RSRC1: variants seen among roughly 807,000 people sequenced by gnomAD.
RSRC1 encodes arginine and serine rich coiled-coil 1.
In RSRC1, 39 loss-of-function variants were observed where a neutral mutation model predicts 49.1. The ratio of observed to expected loss-of-function variants is 0.79; its 90% confidence interval spans 0.61 to 1.04. The LOEUF (loss-of-function observed/expected upper bound fraction) is 1.04. Among genes scored for constraint, RSRC1 ranks in the 50% least tolerant of loss-of-function variants. The pLI is 0.00. For synonymous variants in RSRC1, 143 were observed against 130.8 expected, an observed-to-expected ratio of 1.09 and a Z score of -0.63; for missense variants, 388 against 402.4, an observed-to-expected ratio of 0.96 and a Z score of 0.31.
chr3:158,544,243 CAAGA>C lies in RSRC1; in HGVS notation c.978_981del (p.Glu326AspfsTer2). The C allele has an allele frequency of 1.2e-6, 2 of 1,612,150 alleles. No homozygotes were observed. The highest frequency in any genetic ancestry group is 1.7e-6 in the Non-Finnish European group (2 of 1,178,910). On this transcript the variant is annotated frameshift_variant, in exon 10 of 10. Transcript: ENST00000611884. LOFTEE classifies it high-confidence loss of function. ...GTTCAAGAGATTAATTGCTCTCCGACAAGAAAGACTAATGGGCAGTCCTGTGGCC... is the reference window on the plus strand; with the variant it reads ...GTTCAAGAGATTAATTGCTCTCCGACAAGACTAATGGGCAGTCCTGTGGCC...
rs1374310233 is a variant in RSRC1 at position 158,399,358 on chromosome 3, G to A, written c.583+44450G>A. Among the ~76,000 whole-genome samples the A allele has an allele frequency of 6.7e-5, 3 of 44,648 alleles. 1 individual carries two copies. Among genetic ancestry groups the A allele is most frequent in the East Asian group, 7.5e-4 (2 of 2,672 alleles). 29.3% of individuals were successfully genotyped at this position (44,648 alleles called of 152,430 possible). On this transcript the variant is annotated intron_variant, in intron 6 of 9. Coordinates refer to ENST00000611884, the MANE Select transcript of RSRC1 (RefSeq NM_001271838.2). ...TTTTTAGTAGAGACGGGGTTTCACC[G>A]TTTTAGCCGGGATGGTCTCGATCTC...
intron 4 of RSRC1, among the ~76,000 whole-genome samples, chr3:158,259,024 T>C (rs559117270): frequency 1.2e-4 from 19 of 152,354 alleles, no homozygotes; most frequent in African/African-American, 3.8e-4. Flanking sequence ...TGAAAGGTTA[T>C]GTATGTCTAT....
At chr3:158,163,132 T>C (rs1718338102) in intron 3 of RSRC1, among the ~76,000 whole-genome samples, 1 of 152,116 alleles carries the variant, frequency 6.6e-6, no homozygotes, top group East Asian at 1.9e-4. Flanking sequence ...GCCTCCCTAG[T>C]AGCTGGGATT....
chr3:158,509,801 C>A (rs533309907), intron 7 of RSRC1, among the ~76,000 whole-genome samples: 12 of 152,160 alleles, frequency 7.9e-5, no homozygotes, highest in African/African-American at 2.9e-4. Flanking sequence ...GTATAATATT[C>A]TATTTTTAGA....
intron 5 of RSRC1, among the ~76,000 whole-genome samples, chr3:158,327,804 G>A (rs1285120917): frequency 1.3e-5 from 2 of 152,198 alleles, no homozygotes; most frequent in Admixed American, 1.3e-4. Flanking sequence ...TTTCTGTCTT[G>A]TTGATCTGTC....
At chr3:158,388,180 T>C (rs1255845939) in intron 6 of RSRC1, among the ~76,000 whole-genome samples, 1 of 151,566 alleles carries the variant, frequency 6.6e-6, no homozygotes. Flanking sequence ...TATCAAACAT[T>C]AATATTATAT....
chr3:158,511,936 T>C (rs1740209711), intron 7 of RSRC1, among the ~76,000 whole-genome samples: 1 of 152,018 alleles, frequency 6.6e-6, no homozygotes, highest in Non-Finnish European at 1.5e-5. Context: ...GAGAAGTGTC[T>C]GTTCATGTCC....
At chr3:158,492,190 GA>G (rs1739111558) in intron 7 of RSRC1, among the ~76,000 whole-genome samples, 1 of 152,084 alleles carries the variant, frequency 6.6e-6, no homozygotes, top group South Asian at 2.1e-4. Context: ...ACTATTACAA[GA>G]ACAGCATGGG....
In RSRC1 at chr3:158,130,036, A is replaced by G. The variant is rs779490299; in HGVS notation, c.320+6045A>G. 5.5e-4 allele frequency among the ~76,000 whole-genome samples: 84 copies of G among 152,332 alleles called. 1 individual carries two copies. The highest frequency in any genetic ancestry group is 6.8e-3 in the Middle Eastern group (2 of 294). ...TGTGTGACTTAAACAACATAAATAC[A>G]TTTCTTACAGTTCTGGTGCCTGGGA... On this transcript the variant is annotated intron_variant, in intron 3 of 9. Coordinates refer to ENST00000611884, the MANE Select transcript of RSRC1 (RefSeq NM_001271838.2).
At chr3:158,436,003 T>A (rs9843089) in intron 6 of RSRC1, among the ~76,000 whole-genome samples, 78,323 of 151,648 alleles carry the variant, frequency 0.52, 20,651 homozygotes, top group South Asian at 0.6. Flanking sequence ...CTTTCTTGTC[T>A]TAAATGTTTC....
intron 9 of RSRC1, 150 bp downstream of exon 9, chr3:158,543,637 C>T (rs945063333): frequency 4.2e-6 from 3 of 707,542 alleles, no homozygotes; most frequent in African/African-American, 3.7e-5. Context: ...GCCCCCAGGC[C>T]TTTAGAACTG....
intron 3 of RSRC1, among the ~76,000 whole-genome samples, chr3:158,139,884 G>A (rs1025766901): frequency 6.6e-6 from 1 of 152,064 alleles, no homozygotes; most frequent in Non-Finnish European, 1.5e-5. Context: ...TGCCCGCCTT[G>A]GCCTCCCAAA....
chr3:158,222,697 T>A (rs1395139765), intron 4 of RSRC1, among the ~76,000 whole-genome samples: 1 of 151,600 alleles, frequency 6.6e-6, no homozygotes, highest in Non-Finnish European at 1.5e-5. Flanking sequence ...TTATTATCCA[T>A]CACCACTTTG....
intron 6 of RSRC1, among the ~76,000 whole-genome samples, chr3:158,421,968 A>T (rs578071257): frequency 6.6e-6 from 1 of 151,850 alleles, no homozygotes; most frequent in Non-Finnish European, 1.5e-5. Context: ...TCCTACCCTC[A>T]TAATAGAAGC....
At chr3:158,222,659 ATTGT>A (rs1722292855) in intron 4 of RSRC1, among the ~76,000 whole-genome samples, 1 of 151,546 alleles carries the variant, frequency 6.6e-6, no homozygotes, top group African/African-American at 2.4e-5. Context: ...CACTTCTTAA[ATTGT>A]TTGACCATTA....
intron 3 of RSRC1, among the ~76,000 whole-genome samples, chr3:158,180,765 AAG>A (rs2108251939): frequency 6.9e-6 from 1 of 145,754 alleles, no homozygotes; most frequent in East Asian, 2.1e-4. Flanking sequence ...ACTGTGCTTA[AAG>A]AGTCCACAAA....
chr3:158,198,208 G>T (rs578191674), intron 3 of RSRC1, among the ~76,000 whole-genome samples: 99 of 152,194 alleles, frequency 6.5e-4, no homozygotes, highest in Non-Finnish European at 1.3e-3. Flanking sequence ...AGGATAGTTA[G>T]CTCTTCTTGT....
At chr3:158,149,929 A>G (rs563251663) in intron 3 of RSRC1, among the ~76,000 whole-genome samples, 22 of 152,336 alleles carry the variant, frequency 1.4e-4, no homozygotes, top group African/African-American at 4.6e-4. Context: ...AACTTTTAGG[A>G]AATGTTTTAT....
intron 3 of RSRC1, among the ~76,000 whole-genome samples, chr3:158,151,234 A>G (rs1237612102): frequency 5.3e-5 from 8 of 152,174 alleles, no homozygotes; most frequent in Admixed American, 5.2e-4. Flanking sequence ...ATCTGTGTAT[A>G]TTTTATGCTG....
Sources: allele counts gnomAD v4.1 joint callset (sites outside exome capture counted in the v4.1 genomes callset), GRCh38; gene constraint gnomAD v4.1.1; transcripts MANE v1.5; gene names NCBI Gene and HGNC (gene_info 2026-07-23, HGNC 2026-07-21).